Variants in SLC2A10 observed in about 807,000 individuals in gnomAD.
SLC2A10 encodes solute carrier family 2, facilitated glucose transporter member 10.
Under a neutral mutation model 32.1 loss-of-function variants are expected in SLC2A10, and 25 were observed. The observed-to-expected ratio is 0.78, with a 90% CI of 0.57 to 1.09. SLC2A10 has a LOEUF of 1.09. Among genes scored for constraint, SLC2A10 ranks in the 50% least tolerant of loss-of-function variants. The pLI, the probability that SLC2A10 is intolerant of heterozygous loss-of-function variation, is 0.00. For missense variants in SLC2A10, 673 were observed against 686.5 expected, an observed-to-expected ratio of 0.98 and a Z score of 0.22; for synonymous variants, 332 against 309.6, an observed-to-expected ratio of 1.07 and a Z score of -0.76.
chr20:46,709,503 A>T (rs1876033331), upstream of SLC2A10: 7 of 464,266 alleles, frequency 1.5e-5, no homozygotes, highest in South Asian at 2.8e-4. Context: ...GGTCCTTGCC[A>T]GGCCTGGGGC....
Position 46,729,640 on chromosome 20 carries a change from T to G in SLC2A10, c.1547+152T>G, listed in dbSNP as rs1358271407. On this transcript the variant is annotated intron_variant, in intron 4 of 4. Transcript: ENST00000359271. ...GGCACTATGAGTTTTTTTTTTTTTT[T>G]TTTTTTTTTTTTTTTTTTTGAGATG... 726 of 250,518 alleles carry G rather than the reference T, an allele frequency of 2.9e-3. 5 individuals are homozygous for G. Among genetic ancestry groups the G allele is most frequent in the African/African-American group, 0.018 (480 of 26,106 alleles). 15.5% of individuals were successfully genotyped at this position (250,518 alleles called of 1,614,324 possible).
intron 1 of SLC2A10, among the ~76,000 whole-genome samples, chr20:46,716,368 C>G (rs889443926): frequency 2.0e-5 from 3 of 151,980 alleles, no homozygotes; most frequent in Non-Finnish European, 4.4e-5. Context: ...GGCCAGGCTG[C>G]TCTTGAACTC....
At position 46,734,950 on chromosome 20, in the gene SLC2A10, C is replaced by A. The variant is rs1980495872; in HGVS notation, c.*1116C>A. 1 of 152,636 alleles carries A rather than the reference C, an allele frequency of 6.6e-6. No homozygotes were observed. Among genetic ancestry groups the A allele is most frequent in the African/African-American group, 2.4e-5 (1 of 41,440 alleles). The allele number at this position is 152,636 out of a possible 1,614,324, so 9.5% of individuals were successfully genotyped here. On this transcript the variant is annotated 3_prime_UTR_variant, in exon 5 of 5. Coordinates refer to ENST00000359271, the MANE Select transcript of SLC2A10 (RefSeq NM_030777.4). ...CCCTGAACCTCAGTTTCCTCATCTG[C>A]AGAATGGGGATAATTATGTCCCAGG...
intron 3 of SLC2A10, among the ~76,000 whole-genome samples, chr20:46,728,508 C>G (rs1263709537): frequency 6.6e-6 from 1 of 151,952 alleles, no homozygotes; most frequent in South Asian, 2.1e-4. Context: ...TGGCTTTTGT[C>G]CTCTCTCCCA....
At chr20:46,728,646 T>G (rs972902029) in intron 3 of SLC2A10, among the ~76,000 whole-genome samples, 1 of 146,784 alleles carries the variant, frequency 6.8e-6, no homozygotes, top group Non-Finnish European at 1.5e-5. Flanking sequence ...GGTCTCACTC[T>G]GTCGCCCTGA....
chr20:46,732,053 A>G (rs1249379774), intron 4 of SLC2A10, among the ~76,000 whole-genome samples: 1 of 152,122 alleles, frequency 6.6e-6, no homozygotes, highest in Non-Finnish European at 1.5e-5. Flanking sequence ...GCCGTCACCC[A>G]CTGCTGTAGG....
At chr20:46,727,692 T>C (rs1297478568) in intron 3 of SLC2A10, among the ~76,000 whole-genome samples, 1 of 151,958 alleles carries the variant, frequency 6.6e-6, no homozygotes, top group Non-Finnish European at 1.5e-5. Context: ...TGAGGTGTGG[T>C]GGGATGGGGT....
At chr20:46,711,819 T>A (rs1978929615) in intron 1 of SLC2A10, among the ~76,000 whole-genome samples, 1 of 152,196 alleles carries the variant, frequency 6.6e-6, no homozygotes, top group Non-Finnish European at 1.5e-5. Context: ...TCTGCCAACT[T>A]CTCTGGTCAC....
At chr20:46,719,515 C>T (rs946168798) in intron 1 of SLC2A10, among the ~76,000 whole-genome samples, 1 of 152,110 alleles carries the variant, frequency 6.6e-6, no homozygotes, top group Non-Finnish European at 1.5e-5. Context: ...AGAATGAAAG[C>T]CACGTGAAAG....
Position 46,733,727 on chromosome 20 carries a change from C to T in SLC2A10, c.1548-29C>T, listed in dbSNP as rs1048385923. ...GGGACGGCCCCAGGCCCTGCCACCC[C>T]CTGATCCCACGCATTCTTTGTCTGA... On this transcript the variant is annotated intron_variant, in intron 4 of 4. Transcript: ENST00000359271. 3.1e-6 allele frequency: 5 copies of T among 1,607,660 alleles called. No homozygotes were observed. In the Admixed American group the frequency reaches 5.0e-5, roughly 16 times the overall value.
chr20:46,733,065 T>C (rs1386891064), intron 4 of SLC2A10, among the ~76,000 whole-genome samples: 1 of 152,182 alleles, frequency 6.6e-6, no homozygotes, highest in Non-Finnish European at 1.5e-5. Context: ...GATGGTCTCC[T>C]TCTGAGCAGA....
In SLC2A10 at chr20:46,726,940, C is replaced by G; in HGVS notation, c.1365C>G (p.Asn455Lys). 2.5e-6 allele frequency: 4 copies of G among 1,614,232 alleles called. No individual in the cohort carries two copies. Among genetic ancestry groups the G allele is most frequent in the Non-Finnish European group, 3.4e-6 (4 of 1,180,050 alleles). ...CCTTCGCCTTCTGCAACAGCTTCAA[C>G]TGGGCGGCCAACCTCTTCATCAGCC... ...GRAFAFCNSF[N>K]WAANLFISLS... Residue 455 changes from asparagine to lysine, a missense_variant, in exon 3 of 5, where the codon AAC becomes AAG. Physicochemically the swap from Asn to Lys is moderately conservative, Grantham distance 94. Transcript: ENST00000359271.
rs1386756674 is a variant in SLC2A10 at position 46,709,720 on chromosome 20, G to A, written c.-17G>A. ...GGCCCCTCAGCGCCCCCAGCACGCC[G>A]CCGAGTCCCGCTCGCCATGGGTAAG... is the stretch of plus-strand genomic sequence containing the variant. On this transcript the variant is annotated 5_prime_UTR_variant, in exon 1 of 5. Transcript: ENST00000359271. 1.3e-6 allele frequency: 2 copies of A among 1,544,794 alleles called. No individual in the cohort carries two copies. Among genetic ancestry groups the A allele is most frequent in the African/African-American group, 1.4e-5 (1 of 72,388 alleles).
At chr20:46,727,291 G>A (rs1435499842) in intron 3 of SLC2A10, among the ~76,000 whole-genome samples, 1 of 152,058 alleles carries the variant, frequency 6.6e-6, no homozygotes, top group East Asian at 1.9e-4. Flanking sequence ...CCTGCCAGGT[G>A]GAAGTTTTTC....
In SLC2A10 at chr20:46,734,171, C is replaced by G. The variant is rs1253104703; in HGVS notation, c.*337C>G. ...TCAAAGAATCTCAAGGGTACCAATCCTGGCAGGAAGTCTCTCCCGATATCA... is the reference window on the plus strand; with the variant it reads ...TCAAAGAATCTCAAGGGTACCAATCGTGGCAGGAAGTCTCTCCCGATATCA... On this transcript the variant is annotated 3_prime_UTR_variant, in exon 5 of 5. Transcript: ENST00000359271. The G allele has an allele frequency of 2.5e-6, 1 of 396,250 alleles. No individual in the cohort carries two copies. Among genetic ancestry groups the G allele is most frequent in the Non-Finnish European group, 4.7e-6 (1 of 212,424 alleles). The allele number at this position is 396,250 out of a possible 1,614,324, so 24.5% of individuals were successfully genotyped here.
Position 46,729,361 on chromosome 20 carries a change from G to T in SLC2A10, c.1420G>T (p.Gly474Cys). ...CGCCCTCCTGTTTCCAGGCACCATC[G>T]GCTTGTCCTGGACCTTCCTGCTCTA... Reference protein sequence around the residue: ...LSFLDLIGTIGLSWTFLLYGL... With the variant: ...LSFLDLIGTICLSWTFLLYGL... The change falls in exon 4 of 5, where the codon GGC becomes TGC. Residue 474 changes from glycine (G) to cysteine (C), a missense_variant. Transcript: ENST00000359271. 1 of 1,613,678 alleles carries T rather than the reference G, an allele frequency of 6.2e-7. No individual in the cohort carries two copies. The highest frequency in any genetic ancestry group is 8.5e-7 in the Non-Finnish European group (1 of 1,179,956).
At position 46,736,027 on chromosome 20, in the gene SLC2A10, A is replaced by C. The variant is rs1253842954; in HGVS notation, c.*2193A>C. ...TTTTTATTTGTAGTCTAATTTTGTC[A>C]AATCATGGCCAAATCGCAGTGATAG... On this transcript the variant is annotated 3_prime_UTR_variant, in exon 5 of 5. Coordinates refer to ENST00000359271, the MANE Select transcript of SLC2A10 (RefSeq NM_030777.4). 6.6e-6 allele frequency: 1 copy of C among 152,220 alleles called. No homozygotes were observed. Among genetic ancestry groups the C allele is most frequent in the African/African-American group, 2.4e-5 (1 of 41,462 alleles). 9.4% of individuals were successfully genotyped at this position (152,220 alleles called of 1,614,324 possible).
intron 1 of SLC2A10, among the ~76,000 whole-genome samples, chr20:46,713,363 C>G (rs1029317167): frequency 6.6e-6 from 1 of 151,724 alleles, no homozygotes; most frequent in Admixed American, 6.6e-5. Flanking sequence ...AGGCCAGGGA[C>G]AGCCTCACCG....
At chr20:46,729,035 C>T (rs1258563524) in intron 3 of SLC2A10, among the ~76,000 whole-genome samples, 1 of 152,136 alleles carries the variant, frequency 6.6e-6, no homozygotes, top group African/African-American at 2.4e-5. Flanking sequence ...TCAGGCCAGG[C>T]TTTCGGAGCC....
Sources: gnomAD v4.1 joint callset for allele counts (sites outside exome capture counted in the v4.1 genomes callset) on GRCh38, gnomAD v4.1.1 for gene constraint, MANE v1.5 for transcripts, NCBI Gene and HGNC (gene_info 2026-07-23, HGNC 2026-07-21) for gene names.